EPS15L1: variants seen among roughly 807,000 people sequenced by gnomAD.
The protein encoded by EPS15L1 is epidermal growth factor receptor substrate 15-like 1.
A neutral mutation model predicts 117.1 loss-of-function variants in EPS15L1; 43 were observed. The ratio of observed to expected loss-of-function variants is 0.37; its 90% CI spans 0.29 to 0.47. The LOEUF (loss-of-function observed/expected upper bound fraction) is 0.47, where lower values mean the gene tolerates loss of function less well. EPS15L1 is among the 20% of genes least tolerant of loss of function. EPS15L1 has a pLI of 0.99. For missense variants in EPS15L1, 981 were observed against 1,164.0 expected (o/e 0.84, Z 2.29); for synonymous variants, 459 against 470.5 (o/e 0.98, Z 0.32).
intron 22 of EPS15L1, among the ~76,000 whole-genome samples, chr19:16,376,562 C>T (rs942704287): frequency 6.6e-6 from 1 of 152,172 alleles, no homozygotes; most frequent in South Asian, 2.1e-4. Context: ...AGAGGGGAGC[C>T]CCGAGCCATC....
At position 16,458,701 on chromosome 19, in the gene EPS15L1, G is replaced by C. The variant is rs565311029; in HGVS notation, c.33+13212C>G. On this transcript the variant is annotated intron_variant, in intron 1 of 23. Coordinates refer to ENST00000455140, the MANE Select transcript of EPS15L1 (RefSeq NM_001258374.3). ...ACACACACTCACTCACACACACTCA[G>C]CCACACACACATACACACAATCACA... 1.1e-4 allele frequency among the ~76,000 whole-genome samples: 17 copies of C among 151,922 alleles called. No homozygotes were observed. In the South Asian group the frequency reaches 3.5e-3, roughly 32 times the overall value.
At chr19:16,357,087 CGAG>C (rs2091990272) in intron 23 of EPS15L1, 1 of 152,538 alleles carries the variant, frequency 6.6e-6, no homozygotes, top group Admixed American at 6.6e-5. Context: ...CCCAGGCTCT[CGAG>C]GAGGGCCCTG....
chr19:16,469,592 AG>A (rs2093331202), intron 1 of EPS15L1, among the ~76,000 whole-genome samples: 1 of 152,324 alleles, frequency 6.6e-6, no homozygotes. Context: ...ATTCAGGGTC[AG>A]AAAAGAGTAT....
In EPS15L1 at chr19:16,405,836, C is replaced by T. The variant is rs556249943; in HGVS notation, c.1267-1087G>A. Among the ~76,000 whole-genome samples the T allele has an allele frequency of 2.0e-5, 3 of 152,348 alleles. No homozygotes were observed. Among genetic ancestry groups the T allele is most frequent in the Admixed American group, 6.5e-5 (1 of 15,306 alleles). Reference sequence around the variant, plus strand: ...CTTCTCACCTCCTGATTTTCAACCACGCAAATGCATTATCTGTCTTTAAGA... The same window carrying T: ...CTTCTCACCTCCTGATTTTCAACCATGCAAATGCATTATCTGTCTTTAAGA... On this transcript the variant is annotated intron_variant, in intron 13 of 23. Coordinates refer to ENST00000455140, the MANE Select transcript of EPS15L1 (RefSeq NM_001258374.3). This position sits in a 1 kb window ranked among gnomAD's most constrained non-coding sequence, Gnocchi z 4.0.
At chr19:16,397,034 T>C (rs1426443002) in intron 16 of EPS15L1, among the ~76,000 whole-genome samples, 1 of 152,142 alleles carries the variant, frequency 6.6e-6, no homozygotes, top group Non-Finnish European at 1.5e-5. Flanking sequence ...CTAACACTAC[T>C]GAACTGTACA....
At chr19:16,428,185 A>G (rs1187435874) in intron 8 of EPS15L1, among the ~76,000 whole-genome samples, 1 of 147,748 alleles carries the variant, frequency 6.8e-6, no homozygotes, top group African/African-American at 2.5e-5. Flanking sequence ...TGTGTGACAG[A>G]GCAAGACTCC....
rs1430104425 is a variant in EPS15L1 at position 16,428,446 on chromosome 19, G to A, written c.558+256C>T. On this transcript the variant is annotated intron_variant, in intron 8 of 23. Transcript: ENST00000455140. The stretch of plus-strand genomic sequence containing the variant: ...AAGGAAGGAAGGAAGGAAGGAAGGA[G>A]GGAGGGAGGGAGACAGAGAGAGGAG... Among the ~76,000 whole-genome samples the A allele has an allele frequency of 3.0e-5, 4 of 133,112 alleles. No individual in the cohort carries two copies. In the East Asian group the frequency reaches 6.3e-4, roughly 21 times the overall value. 87.3% of individuals were successfully genotyped at this position (133,112 alleles called of 152,430 possible). A position where few individuals can be genotyped will look rare whatever the true frequency, so the allele number is the denominator to read the frequency against.
intron 18 of EPS15L1, among the ~76,000 whole-genome samples, chr19:16,392,896 G>A (rs1469226238): frequency 6.6e-6 from 1 of 151,902 alleles, no homozygotes; most frequent in Non-Finnish European, 1.5e-5. Context: ...TAAAAAATTA[G>A]CCAGGTGTGG....
Position 16,361,820 on chromosome 19 carries a change from G to A in EPS15L1, c.2545C>T (p.Pro849Ser). 1.2e-6 allele frequency: 2 copies of A among 1,614,002 alleles called. No homozygotes were observed. Among genetic ancestry groups the A allele is most frequent in the Non-Finnish European group, 1.7e-6 (2 of 1,179,972 alleles). The part of the protein sequence containing the change: ...DPFVPSSAAK[P>S]SKASASGFAD... ...AAGCCCGAGGCAGAGGCCTTAGAAG[G>A]TTTAGCTGCAGAGGAGGGGACAAAT... is the stretch of plus-strand genomic sequence containing the variant. The change falls in exon 23 of 24, where the codon CCT becomes TCT. Residue 849 changes from proline to serine, a missense_variant. This residue lies in a region of EPS15L1 where 819 missense variants were observed against 949.0 expected (regional missense o/e 0.86). Transcript: ENST00000455140.
chr19:16,402,514 A>G, intron 15 of EPS15L1, 29 bp from the exon 16 acceptor site: 3 of 1,556,512 alleles, frequency 1.9e-6, no homozygotes, highest in Non-Finnish European at 2.6e-6. Context: ...ATCAGCATTA[A>G]GCAGGGTCAG....
chr19:16,429,104 T>C (rs558378714), intron 7 of EPS15L1, among the ~76,000 whole-genome samples: 1 of 152,156 alleles, frequency 6.6e-6, no homozygotes, highest in African/African-American at 2.4e-5. Flanking sequence ...GGTGTTGCCC[T>C]AAACACCCAC....
intron 12 of EPS15L1, among the ~76,000 whole-genome samples, chr19:16,417,103 C>A (rs2092765330): frequency 6.6e-6 from 1 of 152,252 alleles, no homozygotes; most frequent in Non-Finnish European, 1.5e-5. Flanking sequence ...GGCTACTGAG[C>A]TGCGACCTGC....
At chr19:16,451,445 A>G (rs1272921841) in intron 1 of EPS15L1, among the ~76,000 whole-genome samples, 1 of 152,154 alleles carries the variant, frequency 6.6e-6, no homozygotes, top group Non-Finnish European at 1.5e-5. Context: ...AAGGTGTGAT[A>G]AGGCATTGTG....
At chr19:16,411,442 G>A (rs1027166967) in intron 13 of EPS15L1, among the ~76,000 whole-genome samples, 5 of 152,190 alleles carry the variant, frequency 3.3e-5, no homozygotes, top group African/African-American at 4.8e-5. Context: ...ACTGTTCAGG[G>A]CTAGATGTTT....
Position 16,436,991 on chromosome 19 carries a change from G to T in EPS15L1, c.318C>A (p.Thr106=), listed in dbSNP as rs772097688. 1 of 1,613,946 alleles carries T rather than the reference G, an allele frequency of 6.2e-7. No homozygotes were observed. The highest frequency in any genetic ancestry group is 8.5e-7 in the Non-Finnish European group (1 of 1,179,860). The change falls in exon 6 of 24, where the codon ACC becomes ACA. Residue 106 remains threonine, a synonymous_variant. Coordinates refer to ENST00000455140, the MANE Select transcript of EPS15L1 (RefSeq NM_001258374.3). ...GCGGTGTGACCATCAGAGGGCTGCT[G>T]GTGTCGTGCTGAGAAGAGAGAGAAA... ...LSMPPPKFHD[T]SSPLMVTPPS...
chr19:16,413,966 T>C, intron 12 of EPS15L1, 121 bp from the exon 13 acceptor site: 1 of 726,464 alleles, frequency 1.4e-6, no homozygotes, highest in Non-Finnish European at 2.4e-6. Context: ...AGTCTAAGAA[T>C]GAGACCCAGC....
chr19:16,452,446 C>G (rs1210400152), intron 1 of EPS15L1, among the ~76,000 whole-genome samples: 1 of 140,008 alleles, frequency 7.1e-6, no homozygotes, highest in Non-Finnish European at 1.6e-5. Flanking sequence ...AATTCCATCT[C>G]GAAAAAAAAA....
chr19:16,450,228 C>T (rs1268864109), intron 1 of EPS15L1, among the ~76,000 whole-genome samples: 1 of 152,132 alleles, frequency 6.6e-6, no homozygotes, highest in Non-Finnish European at 1.5e-5. Flanking sequence ...GCCTGGGCAA[C>T]AGAGCTGTCT....
intron 13 of EPS15L1, chr19:16,413,375 G>T: frequency 1.4e-6 from 1 of 692,306 alleles, no homozygotes; most frequent in Non-Finnish European, 2.6e-6. Context: ...CCTCAGCCAG[G>T]GGCTGCACTG....
Sources: gnomAD v4.1 joint callset for allele counts (sites outside exome capture counted in the v4.1 genomes callset) on GRCh38, gnomAD v4.1.1 for gene constraint, gnomAD v4.1.1 regional missense constraint, Gnocchi (gnomAD v3.1) non-coding constraint, MANE v1.5 for transcripts, NCBI Gene and HGNC (gene_info 2026-07-23, HGNC 2026-07-21) for gene names.